Variants in C6 observed in about 807,000 individuals in gnomAD.
The protein encoded by C6 is complement C6, also known as complement component C6.
A neutral mutation model predicts 112.9 loss-of-function variants in C6; 101 were observed. The ratio of observed to expected loss-of-function variants is 0.89; its 90% CI spans 0.76 to 1.06. The LOEUF (loss-of-function observed/expected upper bound fraction) is 1.06. Ranked by LOEUF, C6 falls within the 50% of genes least tolerant of loss-of-function variation. C6 has a pLI of 0.00. For synonymous variants in C6, 431 were observed against 384.1 expected, an observed-to-expected ratio of 1.12 and a Z score of -1.43; for missense variants, 1,202 against 1,104.6, an observed-to-expected ratio of 1.09 and a Z score of -1.25.
intron 9 of C6, among the ~76,000 whole-genome samples, chr5:41,162,570 T>C (rs999182180): frequency 6.6e-6 from 1 of 152,082 alleles, no homozygotes; most frequent in Non-Finnish European, 1.5e-5. Flanking sequence ...AACCAAATGG[T>C]AACTCTAACT....
intron 5 of C6, among the ~76,000 whole-genome samples, chr5:41,189,496 C>T (rs541880689): frequency 6.6e-6 from 1 of 152,020 alleles, no homozygotes; most frequent in East Asian, 1.9e-4. Flanking sequence ...TTTAATATTA[C>T]ATTTTTAAAA....
intron 1 of C6, among the ~76,000 whole-genome samples, chr5:41,206,251 A>G (rs953384054): frequency 6.6e-6 from 1 of 152,322 alleles, no homozygotes. Flanking sequence ...GGTAGATAAA[A>G]CCACAAAGAT....
chr5:41,227,772 T>G (rs1454221352), intron 1 of C6, among the ~76,000 whole-genome samples: 1 of 152,152 alleles, frequency 6.6e-6, no homozygotes, highest in Non-Finnish European at 1.5e-5. Context: ...GAAAATCAAT[T>G]GACCTCAAAT....
intron 5 of C6, 82 bp downstream of exon 5, chr5:41,195,710 A>G (rs1030459225): frequency 2.9e-6 from 4 of 1,380,760 alleles, no homozygotes; most frequent in African/African-American, 2.8e-5. Flanking sequence ...AGGAAGATGG[A>G]CAATGATGTA....
At chr5:41,226,661 C>T (rs1028744237) in intron 1 of C6, among the ~76,000 whole-genome samples, 7 of 152,216 alleles carry the variant, frequency 4.6e-5, no homozygotes, top group East Asian at 1.9e-4. Context: ...GCTGCTTCTG[C>T]GGGTTCTACT....
intron 4 of C6, among the ~76,000 whole-genome samples, chr5:41,199,043 G>C (rs1433742964): frequency 1.3e-5 from 2 of 152,134 alleles, no homozygotes; most frequent in Admixed American, 6.6e-5. Flanking sequence ...CCTGACCCCA[G>C]CATTCCTGTC....
At chr5:41,168,013 A>C (rs1474403338) in intron 9 of C6, among the ~76,000 whole-genome samples, 1 of 152,194 alleles carries the variant, frequency 6.6e-6, no homozygotes, top group Non-Finnish European at 1.5e-5. Context: ...GATGATTAAC[A>C]GTGGGAACAA....
chr5:41,210,730 A>T (rs1181170086), intron 1 of C6, among the ~76,000 whole-genome samples: 1 of 152,194 alleles, frequency 6.6e-6, no homozygotes, highest in Non-Finnish European at 1.5e-5. Flanking sequence ...TTAAAAAGTG[A>T]GGAAACAACA....
intron 5 of C6, among the ~76,000 whole-genome samples, chr5:41,190,643 GC>G (rs1487979324): frequency 6.6e-6 from 1 of 152,096 alleles, no homozygotes; most frequent in Non-Finnish European, 1.5e-5. Flanking sequence ...TGTTGCTTCT[GC>G]TTTTGAAGTC....
rs546960219 is a variant in C6, at chr5:41,208,095, C to G, written c.-20-4845G>C. On this transcript the variant is annotated intron_variant, in intron 1 of 17. Transcript: ENST00000337836. ...CTCAAAACGCTCAACTACATGGAAA[C>G]TGAACAACCTGCTCTTGAATGACTA... Among the ~76,000 whole-genome samples, 6 of 152,332 alleles carry G rather than the reference C, an allele frequency of 3.9e-5. No individual in the cohort carries two copies. The South Asian group carries it at 1.2e-3, about 32-fold the overall frequency.
At position 41,198,639 on chromosome 5, in the gene C6, C is replaced by A. The variant is rs562401353; in HGVS notation, c.445+1129G>T. ...CTGGCGATCAGCTGTGCTTACACTG[C>A]TAACCTTTCTAAAATTGTTCATTAT... is the stretch of plus-strand genomic sequence containing the variant. On this transcript the variant is annotated intron_variant, in intron 4 of 17. Transcript: ENST00000337836. Among the ~76,000 whole-genome samples, 4 of 152,274 alleles carry A rather than the reference C, an allele frequency of 2.6e-5. No individual in the cohort carries two copies. The South Asian group carries it at 6.2e-4, about 24-fold the overall frequency.
chr5:41,230,327 A>T (rs2084022), intron 1 of C6, among the ~76,000 whole-genome samples: 11,676 of 152,066 alleles, frequency 0.077, 746 homozygotes, highest in African/African-American at 0.17. Flanking sequence ...AGTAGGAGAG[A>T]TATCAGTGAA....
chr5:41,222,408 G>T (rs1010051323), intron 1 of C6, among the ~76,000 whole-genome samples: 10 of 151,738 alleles, frequency 6.6e-5, no homozygotes, highest in African/African-American at 2.4e-4. Flanking sequence ...TCTGAAGTTT[G>T]CATTAAACAG....
chr5:41,210,065 C>G (rs561629538), intron 1 of C6, among the ~76,000 whole-genome samples: 1 of 152,194 alleles, frequency 6.6e-6, no homozygotes, highest in South Asian at 2.1e-4. Context: ...TAATACCACA[C>G]GTCTACAGCC....
chr5:41,203,137 A>G lies in C6; in HGVS notation c.94T>C (p.Trp32Arg). The G allele has an allele frequency of 6.2e-7, 1 of 1,614,124 alleles. No individual in the cohort carries two copies. Among genetic ancestry groups the G allele is most frequent in the Non-Finnish European group, 8.5e-7 (1 of 1,179,980 alleles). Residue 32 changes from tryptophan to arginine, a missense_variant, in exon 2 of 18, where the codon TGG becomes CGG. Coordinates refer to ENST00000337836, the MANE Select transcript of C6 (RefSeq NM_000065.5). Reference sequence around the variant, plus strand: ...TTGCAAGTTTTTGAGCAGCTGGTCCACTGAGTCCATGCATAGTGATCACAG... The same window carrying G: ...TTGCAAGTTTTTGAGCAGCTGGTCCGCTGAGTCCATGCATAGTGATCACAG... Reference protein sequence around the residue: ...CFCDHYAWTQWTSCSKTCNSG... With the variant: ...CFCDHYAWTQRTSCSKTCNSG...
rs180977240 is a variant in C6 at position 41,258,969 on chromosome 5, A to T, written c.-21+2225T>A. Reference sequence around the variant, plus strand: ...GACATGTGGGGATTATGAGGATTACAATTCAAGGTGAGATTTGGGTGGGGA... The same window carrying T: ...GACATGTGGGGATTATGAGGATTACTATTCAAGGTGAGATTTGGGTGGGGA... On this transcript the variant is annotated intron_variant, in intron 1 of 17. Coordinates refer to the C6 transcript ENST00000263413. Among the ~76,000 whole-genome samples the T allele has an allele frequency of 7.9e-5, 12 of 152,304 alleles. No individual in the cohort carries two copies. The East Asian group carries it at 2.3e-3, about 29-fold the overall frequency.
At chr5:41,170,110 A>G (rs570081765) in intron 9 of C6, among the ~76,000 whole-genome samples, 1 of 152,102 alleles carries the variant, frequency 6.6e-6, no homozygotes, top group African/African-American at 2.4e-5. Context: ...ATATTCTTAT[A>G]TAACATTTTT....
chr5:41,258,867 G>A (rs1256002245), intron 1 of C6, among the ~76,000 whole-genome samples: 1 of 152,172 alleles, frequency 6.6e-6, no homozygotes, highest in Non-Finnish European at 1.5e-5. Flanking sequence ...CAGATCTCAT[G>A]AGATTCACTT....
At chr5:41,191,970 C>A (rs936361748) in intron 5 of C6, among the ~76,000 whole-genome samples, 1 of 152,104 alleles carries the variant, frequency 6.6e-6, no homozygotes, top group Non-Finnish European at 1.5e-5. Context: ...GAGCAGGTAT[C>A]CTTGTCTTAT....
Sources: gnomAD v4.1 joint callset for allele counts (sites outside exome capture counted in the v4.1 genomes callset) on GRCh38, gnomAD v4.1.1 for gene constraint, MANE v1.5 for transcripts, NCBI Gene and HGNC (gene_info 2026-07-23, HGNC 2026-07-21) for gene names.